The following GRID2 variants were observed in gnomAD, a reference collection of about 807,000 sequenced individuals.
GRID2 encodes the protein glutamate receptor ionotropic, delta-2.
In GRID2, 33 loss-of-function variants were observed where a neutral mutation model predicts 114.8. That is an observed-to-expected ratio of 0.29 (90% CI 0.22 to 0.38). The LOEUF is 0.38. GRID2 is among the 10% of genes least tolerant of loss of function. The pLI, the probability that GRID2 is intolerant of heterozygous loss-of-function variation, is 1.00. For synonymous variants in GRID2, 505 were observed against 449.9 expected, an observed-to-expected ratio of 1.12 and a Z score of -1.55; for missense variants, 1,184 against 1,257.7, an observed-to-expected ratio of 0.94 and a Z score of 0.89.
rs1391542258 is a variant in GRID2 at position 93,665,703 on chromosome 4, T to A, written c.2360+39268T>A. ...GCTTGGATATACCAAATTTTCTGTA[T>A]CTTCTTAGAAGTCTCTCCTCTTAAA... On this transcript the variant is annotated intron_variant, in intron 14 of 15. Transcript: ENST00000282020. 2.6e-4 allele frequency among the ~76,000 whole-genome samples: 39 copies of A among 152,194 alleles called. 1 individual carries two copies. Among genetic ancestry groups the A allele is most frequent in the Non-Finnish European group, 4.4e-5 (3 of 68,018 alleles).
chr4:93,508,179 AG>A (rs1467238008), intron 12 of GRID2, among the ~76,000 whole-genome samples: 1 of 149,168 alleles, frequency 6.7e-6, no homozygotes, highest in Admixed American at 6.7e-5. Flanking sequence ...AAAAAGTTTT[AG>A]ATTTTTTATT....
chr4:93,657,157 C>A (rs1229430843), intron 14 of GRID2, among the ~76,000 whole-genome samples: 1 of 152,042 alleles, frequency 6.6e-6, no homozygotes, highest in Non-Finnish European at 1.5e-5. Flanking sequence ...GCTAGCCCTA[C>A]CTTCAGATGA....
At chr4:92,378,579 A>T (rs1241304722) in intron 1 of GRID2, among the ~76,000 whole-genome samples, 1 of 152,076 alleles carries the variant, frequency 6.6e-6, no homozygotes, top group African/African-American at 2.4e-5. Flanking sequence ...TGAAATTTGG[A>T]CTATTCCCTA....
intron 1 of GRID2, among the ~76,000 whole-genome samples, chr4:93,788,349 GT>G (rs1181325816): frequency 6.6e-6 from 1 of 151,944 alleles, no homozygotes; most frequent in Non-Finnish European, 1.5e-5. Context: ...TAAAGCCTAG[GT>G]TTTGGCAAAA....
downstream of GRID2, among the ~76,000 whole-genome samples, chr4:93,775,534 A>G (rs1734352170): frequency 6.6e-6 from 1 of 152,220 alleles, no homozygotes; most frequent in African/African-American, 2.4e-5. Flanking sequence ...CCAGGGCCAT[A>G]GCTAGCAGCA....
intron 14 of GRID2, among the ~76,000 whole-genome samples, chr4:93,711,536 C>T (rs1313299158): frequency 6.6e-6 from 1 of 152,136 alleles, no homozygotes; most frequent in Non-Finnish European, 1.5e-5. Context: ...GCACTTCAGC[C>T]CACGGTGGTG....
At chr4:93,033,133 C>T (rs1158099414) in intron 2 of GRID2, among the ~76,000 whole-genome samples, 1 of 152,120 alleles carries the variant, frequency 6.6e-6, no homozygotes, top group Non-Finnish European at 1.5e-5. Flanking sequence ...TAATTTGTCC[C>T]TGTGGAGAGT....
chr4:92,310,615 T>C (rs1038902341), intron 1 of GRID2, among the ~76,000 whole-genome samples: 1 of 152,024 alleles, frequency 6.6e-6, no homozygotes, highest in Non-Finnish European at 1.5e-5. Flanking sequence ...TAAAAAAAAG[T>C]ATTCTGGATT....
chr4:93,734,263 A>G (rs1030889757), intron 14 of GRID2, among the ~76,000 whole-genome samples: 4 of 152,136 alleles, frequency 2.6e-5, no homozygotes, highest in African/African-American at 9.6e-5. Flanking sequence ...TTTCTTCCCC[A>G]TCATTCCTAA....
intron 2 of GRID2, among the ~76,000 whole-genome samples, chr4:92,782,566 T>C (rs568416954): frequency 2.6e-5 from 4 of 152,262 alleles, no homozygotes; most frequent in African/African-American, 9.6e-5. Context: ...CCTAAAAATT[T>C]TACTCAAAGA....
chr4:92,747,995 A>C (rs1198452263), intron 2 of GRID2, among the ~76,000 whole-genome samples: 1 of 152,170 alleles, frequency 6.6e-6, no homozygotes, highest in Admixed American at 6.5e-5. Context: ...CTTTCTCAGT[A>C]ATGGGTAGTC....
At chr4:93,314,844 TTTTG>T (rs1266003612) in intron 8 of GRID2, among the ~76,000 whole-genome samples, 1 of 152,082 alleles carries the variant, frequency 6.6e-6, no homozygotes, top group Admixed American at 6.6e-5. Flanking sequence ...ATTTGCCATT[TTTTG>T]TTTTTTTGGT....
intron 13 of GRID2, among the ~76,000 whole-genome samples, chr4:93,559,055 T>C (rs924271196): frequency 2.0e-5 from 3 of 152,108 alleles, no homozygotes; most frequent in Admixed American, 6.5e-5. Flanking sequence ...CTAAAAACTC[T>C]CAATAAACTA....
intron 2 of GRID2, among the ~76,000 whole-genome samples, chr4:92,825,299 G>A (rs979315300): frequency 2.0e-5 from 3 of 152,132 alleles, no homozygotes; most frequent in African/African-American, 7.2e-5. Flanking sequence ...GGGGCTCGCA[G>A]TCTGTTGAGA....
At chr4:93,209,403 T>C (rs1456560388) in intron 5 of GRID2, among the ~76,000 whole-genome samples, 1 of 152,098 alleles carries the variant, frequency 6.6e-6, no homozygotes, top group Non-Finnish European at 1.5e-5. Flanking sequence ...TCCAGCTCCA[T>C]TCATATTTCT....
intron 14 of GRID2, among the ~76,000 whole-genome samples, chr4:93,630,321 A>G (rs1304580110): frequency 2.0e-5 from 3 of 152,184 alleles, no homozygotes; most frequent in Admixed American, 6.5e-5. Flanking sequence ...GTTTAAAAAC[A>G]TTTAGTCATA....
intron 8 of GRID2, among the ~76,000 whole-genome samples, chr4:93,391,331 C>A (rs1188697433): frequency 6.6e-6 from 1 of 152,196 alleles, no homozygotes; most frequent in Non-Finnish European, 1.5e-5. Context: ...TACAGAATAT[C>A]TACCAAATAA....
intron 2 of GRID2, among the ~76,000 whole-genome samples, chr4:92,797,224 A>G (rs1739924853): frequency 6.6e-6 from 1 of 151,980 alleles, no homozygotes; most frequent in Non-Finnish European, 1.5e-5. Flanking sequence ...ATTGCATTCA[A>G]CATAATAAAC....
Position 92,937,123 on chromosome 4 carries a change from G to A in GRID2, c.245-147872G>A, listed in dbSNP as rs1750734929. On this transcript the variant is annotated intron_variant, in intron 2 of 15. Transcript: ENST00000282020. ...AAGATTTGCAAATATCTCCCATTATGTGGCTTGTCTTTCTCTTTCCCTTTC... is the reference window on the plus strand; with the variant it reads ...AAGATTTGCAAATATCTCCCATTATATGGCTTGTCTTTCTCTTTCCCTTTC... Among the ~76,000 whole-genome samples the A allele has an allele frequency of 1.4e-5, 2 of 146,288 alleles. 1 individual carries two copies.
Sources: gnomAD v4.1 joint callset for allele counts (sites outside exome capture counted in the v4.1 genomes callset) on GRCh38, gnomAD v4.1.1 for gene constraint, MANE v1.5 for transcripts, NCBI Gene and HGNC (gene_info 2026-07-23, HGNC 2026-07-21) for gene names.